Variants in COL4A3 observed in about 807,000 individuals in gnomAD.
COL4A3 encodes the protein collagen type IV alpha 3 chain.
Under a neutral mutation model 217.4 loss-of-function variants are expected in COL4A3, and 135 were observed. The observed-to-expected ratio is 0.62, with a 90% CI of 0.54 to 0.72. The LOEUF (loss-of-function observed/expected upper bound fraction) is 0.72. COL4A3 is among the 30% of genes least tolerant of loss of function. COL4A3 has a pLI of 0.00. For synonymous variants in COL4A3, 690 were observed against 736.3 expected (o/e 0.94, Z 1.02); for missense variants, 1,868 against 2,119.9 (o/e 0.88, Z 2.33).
At chr2:227,311,524 C>A (rs918688494) in intron 51 of COL4A3, among the ~76,000 whole-genome samples, 5 of 151,970 alleles carry the variant, frequency 3.3e-5, no homozygotes, top group Non-Finnish European at 5.9e-5. Flanking sequence ...GGATTACAGG[C>A]GTATGCCACG....
intron 46 of COL4A3, 94 bp downstream of exon 46, chr2:227,304,238 G>A: frequency 6.6e-7 from 1 of 1,509,648 alleles, no homozygotes; most frequent in South Asian, 1.1e-5. Context: ...CAACTTCACA[G>A]AAAATGTTGA....
rs746159904 is a variant in COL4A3, at chr2:227,234,414, A to AT, written c.88-3548dup. Among the ~76,000 whole-genome samples the AT allele has an allele frequency of 2.6e-5, 4 of 152,292 alleles. No individual in the cohort carries two copies. In the East Asian group the frequency reaches 5.8e-4, roughly 22 times the overall value. On this transcript the variant is annotated intron_variant, in intron 1 of 51. Transcript: ENST00000396578. ...TAAAATAGCCAAAGCCTCTGGTTCCATTTTTTGCCATTTTGATCATAGTTG... is the reference window on the plus strand; with the variant it reads ...TAAAATAGCCAAAGCCTCTGGTTCCATTTTTTTGCCATTTTGATCATAGTTG...
chr2:227,254,200 C>T (rs763627574), intron 14 of COL4A3, 26 bp downstream of exon 14: 13 of 1,593,830 alleles, frequency 8.2e-6, no homozygotes, highest in Non-Finnish European at 9.5e-6. Context: ...TTATATTGTC[C>T]CCATAACACA....
chr2:227,202,899 A>G (rs2066789440), intron 1 of COL4A3, among the ~76,000 whole-genome samples: 1 of 39,626 alleles, frequency 2.5e-5, no homozygotes, highest in Non-Finnish European at 4.3e-5. Flanking sequence ...ATATATGTGT[A>G]TATATGTGTA....
intron 1 of COL4A3, among the ~76,000 whole-genome samples, chr2:227,213,415 A>T (rs1014559034): frequency 6.6e-6 from 1 of 152,176 alleles, no homozygotes; most frequent in Non-Finnish European, 1.5e-5. Context: ...GTCCTCAATT[A>T]TTCTAGCAAT....
At chr2:227,173,969 C>T (rs1169286522) in intron 1 of COL4A3, among the ~76,000 whole-genome samples, 1 of 152,132 alleles carries the variant, frequency 6.6e-6, no homozygotes, top group Non-Finnish European at 1.5e-5. Flanking sequence ...GTAGGTGATA[C>T]AATCCATCAT....
rs575820173 is a variant in COL4A3, at chr2:227,276,758, G to A, written c.2020+281G>A. The stretch of plus-strand genomic sequence containing the variant: ...ATTTTAGAGCAGAAAAACCGTTCTG[G>A]AGTTTTGGTGGGGGAGCAAGTGATG... On this transcript the variant is annotated intron_variant, in intron 27 of 51. Transcript: ENST00000396578. Among the ~76,000 whole-genome samples, 9 of 152,338 alleles carry A rather than the reference G, an allele frequency of 5.9e-5. 1 individual carries two copies. In the Middle Eastern group the frequency reaches 0.014, roughly 230 times the overall value.
chr2:227,200,033 A>G (rs1364885735), intron 1 of COL4A3, among the ~76,000 whole-genome samples: 1 of 152,222 alleles, frequency 6.6e-6, no homozygotes, highest in Non-Finnish European at 1.5e-5. Flanking sequence ...AGGAAAAAAC[A>G]TAGAGATAGC....
intron 1 of COL4A3, chr2:227,222,284 T>C (rs890916934): frequency 1.3e-5 from 2 of 152,206 alleles, no homozygotes; most frequent in African/African-American, 4.8e-5. Context: ...TTGCACATTT[T>C]CCTTTTCTGG....
chr2:227,188,346 A>G (rs1301622031), intron 1 of COL4A3, among the ~76,000 whole-genome samples: 7 of 152,110 alleles, frequency 4.6e-5, no homozygotes, highest in Non-Finnish European at 8.8e-5. Flanking sequence ...TGATCCGTTT[A>G]TAAGCAGATA....
intron 1 of COL4A3, among the ~76,000 whole-genome samples, chr2:227,204,122 T>G (rs2067005375): frequency 6.6e-6 from 1 of 152,154 alleles, no homozygotes; most frequent in African/African-American, 2.4e-5. Flanking sequence ...AGACCTAAAT[T>G]ACCTGGATTC....
intron 1 of COL4A3, among the ~76,000 whole-genome samples, chr2:227,193,820 A>G (rs1053488266): frequency 5.0e-5 from 1 of 19,894 alleles, no homozygotes; most frequent in African/African-American, 2.1e-4. Flanking sequence ...GGAGGGAAGG[A>G]AAGGAAGGAA....
intron 1 of COL4A3, among the ~76,000 whole-genome samples, chr2:227,195,614 C>G (rs1186558675): frequency 6.7e-6 from 1 of 148,862 alleles, no homozygotes; most frequent in African/African-American, 2.5e-5. Context: ...AGTTTGTTTA[C>G]CATAATATAC....
intron 28 of COL4A3, 29 bp downstream of exon 28, chr2:227,277,582 G>T (rs1437740328): frequency 7.4e-7 from 1 of 1,350,154 alleles, no homozygotes; most frequent in Non-Finnish European, 1.0e-6. Flanking sequence ...CAAACATAAA[G>T]TTTGTTGTGG....
In COL4A3 at chr2:227,253,873, A is replaced by T. The variant is rs1346806517; in HGVS notation, c.765+235A>T. On this transcript the variant is annotated intron_variant, in intron 13 of 51. Transcript: ENST00000396578. This position sits in a 1 kb window ranked among gnomAD's most constrained non-coding sequence, Gnocchi z 4.4. The stretch of plus-strand genomic sequence containing the variant: ...TGGGCAACAGAGTGAGACTTCATTT[A>T]AAAAAAAAAACAACAAAAAAAAGAT... 7.0e-6 allele frequency among the ~76,000 whole-genome samples: 1 copy of T among 143,372 alleles called. No individual in the cohort carries two copies. The highest frequency in any genetic ancestry group is 1.5e-5 in the Non-Finnish European group (1 of 66,956). The allele number at this position is 143,372 out of a possible 152,430, so 94.1% of individuals were successfully genotyped here.
rs1388186230 is a variant in COL4A3 at position 227,256,429 on chromosome 2, G to A, written c.987+33G>A. ...TCTCCCTAATAGCCTATTTTAATAG[G>A]TTGGGTTTTGCCTGTGCTTTTACTT... On this transcript the variant is annotated intron_variant, in intron 17 of 51. Coordinates refer to ENST00000396578, the MANE Select transcript of COL4A3 (RefSeq NM_000091.5). 3.8e-6 allele frequency: 6 copies of A among 1,590,704 alleles called. No homozygotes were observed. The South Asian group carries it at 6.6e-5, about 18-fold the overall frequency.
chr2:227,177,071 AT>A (rs964623798), intron 1 of COL4A3, among the ~76,000 whole-genome samples: 1 of 150,440 alleles, frequency 6.6e-6, no homozygotes, highest in Non-Finnish European at 1.5e-5. Context: ...TTCCTTCCAG[AT>A]TTTTTTTTCT....
chr2:227,252,928 C>G (rs1360754704), intron 11 of COL4A3, among the ~76,000 whole-genome samples: 2 of 152,034 alleles, frequency 1.3e-5, no homozygotes, highest in African/African-American at 4.8e-5. Flanking sequence ...ATGCAGCTAC[C>G]CATTCTTATT....
chr2:227,251,510 C>G, intron 11 of COL4A3, 139 bp downstream of exon 11: 1 of 739,352 alleles, frequency 1.4e-6, no homozygotes. Flanking sequence ...AAGAGCATGG[C>G]TAGCTGCTCT....
Sources: gnomAD v4.1 joint callset for allele counts (sites outside exome capture counted in the v4.1 genomes callset) on GRCh38, gnomAD v4.1.1 for gene constraint, Gnocchi (gnomAD v3.1) non-coding constraint, MANE v1.5 for transcripts, NCBI Gene and HGNC (gene_info 2026-07-23, HGNC 2026-07-21) for gene names.